POLE: variants seen among roughly 807,000 people sequenced by gnomAD.
POLE encodes DNA polymerase epsilon catalytic subunit A.
In POLE, 188 loss-of-function variants were observed where a neutral mutation model predicts 279.2. The ratio of observed to expected loss-of-function variants is 0.67; its 90% confidence interval spans 0.60 to 0.76. POLE has a LOEUF of 0.76. Ranked by LOEUF, POLE falls within the 30% of genes least tolerant of loss-of-function variation. The pLI is 0.00. For synonymous variants in POLE, 1,214 were observed against 1,172.5 expected (o/e 1.04, Z -0.72); for missense variants, 2,703 against 3,016.7 (o/e 0.90, Z 2.44).
rs115257501 is a variant in POLE at position 132,679,529 on chromosome 12, G to A, written c.546C>T (p.His182=). Residue 182 remains histidine (H), a synonymous_variant, in exon 6 of 49, where the codon CAC becomes CAT. Transcript: ENST00000320574. ...GCAGAGCTGTGTACGCGTCGCTGGC[G>A]TGATCCTGCTCCCTGTTCTTCTTCA... ...PAVKKNREQD[H]ASDAYTALLS... 184 of 1,613,814 alleles carry A rather than the reference G, an allele frequency of 1.1e-4. 2 individuals carry two copies. In the East Asian group the frequency reaches 2.6e-3, roughly 23 times the overall value.
intron 29 of POLE, among the ~76,000 whole-genome samples, chr12:132,653,906 A>G (rs548095021): frequency 6.6e-6 from 1 of 152,356 alleles, no homozygotes; most frequent in African/African-American, 2.4e-5. Flanking sequence ...TTGTTTCTGC[A>G]TCTATTGGAG....
Position 132,639,061 on chromosome 12 carries a change from TGG to T in POLE, c.5552+62_5552+63del. ...CACTGGCTGGCCATGTCTCTGGTTC[TGG>T]GGAGTAAGGGACCAGCCCAGCTGAG... On this transcript the variant is annotated intron_variant, in intron 40 of 48. Transcript: ENST00000320574. This position sits in a 1 kb window ranked among gnomAD's most constrained non-coding sequence, Gnocchi z 4.7. 7.0e-7 allele frequency: 1 copy of T among 1,426,148 alleles called. No homozygotes were observed. Among genetic ancestry groups the T allele is most frequent in the Non-Finnish European group, 9.9e-7 (1 of 1,014,494 alleles). The allele number at this position is 1,426,148 out of a possible 1,614,324, so 88.3% of individuals were successfully genotyped here. A position where few individuals can be genotyped will look rare whatever the true frequency, so the allele number is the denominator to read the frequency against.
chr12:132,637,745 A>C (rs1207113309), intron 41 of POLE, among the ~76,000 whole-genome samples: 1 of 152,248 alleles, frequency 6.6e-6, no homozygotes, highest in Non-Finnish European at 1.5e-5. Context: ...AAAAGCAAAC[A>C]AACAAAAATC....
chr12:132,638,127 C>T lies in POLE; in HGVS notation c.5565G>A (p.Glu1855=), dbSNP rs1555221780. The part of the protein sequence containing the change: ...MKKLFLQLIA[E]FKRLGSSVIY... The stretch of plus-strand genomic sequence containing the variant: ...TGACTGATGACCCCAGGCGCTTGAA[C>T]TCAGCGATGAGCCTGTGGAGCAAGT... The change falls in exon 41 of 49, where the codon GAG becomes GAA. Residue 1855 remains glutamate (E), a synonymous_variant. Coordinates refer to ENST00000320574, the MANE Select transcript of POLE (RefSeq NM_006231.4). The T allele has an allele frequency of 1.2e-6, 2 of 1,613,834 alleles. No homozygotes were observed. The highest frequency in any genetic ancestry group is 1.1e-5 in the South Asian group (1 of 91,054).
chr12:132,674,853 C>CCCTTCCCTT (rs1361293205), intron 12 of POLE, among the ~76,000 whole-genome samples: 1 of 145,580 alleles, frequency 6.9e-6, no homozygotes, highest in Non-Finnish European at 1.5e-5. Context: ...TTCCCTCCCT[C>CCCTTCCCTT]CCTTCCCTTC....
chr12:132,660,834 G>T, intron 25 of POLE, 135 bp downstream of exon 25: 1 of 606,618 alleles, frequency 1.6e-6, no homozygotes, highest in Non-Finnish European at 2.8e-6. Flanking sequence ...TGCTCAGGAG[G>T]TCTTGGGATT....
rs758310455 is a variant in POLE at position 132,664,363 on chromosome 12, C to A, written c.2561+7G>T. 1.6e-5 allele frequency: 25 copies of A among 1,612,622 alleles called. No homozygotes were observed. On this transcript the variant is annotated splice_region_variant and intron_variant, in intron 22 of 48. Coordinates refer to ENST00000320574, the MANE Select transcript of POLE (RefSeq NM_006231.4). The surrounding 1 kb of genome is among the most constrained non-coding windows in gnomAD (Gnocchi z 5.3). ...TCCCAGCCCCACGGCTCCCCTTCTGCACTCACCCAATCTGCTCGATCAGCT... is the reference window on the plus strand; with the variant it reads ...TCCCAGCCCCACGGCTCCCCTTCTGAACTCACCCAATCTGCTCGATCAGCT...
chr12:132,637,738 A>C (rs1445402291), intron 41 of POLE, among the ~76,000 whole-genome samples: 3 of 152,200 alleles, frequency 2.0e-5, no homozygotes, highest in African/African-American at 7.2e-5. Flanking sequence ...GGGGAAAAAA[A>C]GCAAACAAAC....
In POLE at chr12:132,632,390, C is replaced by T. The variant is rs1057524260; in HGVS notation, c.6255G>A (p.Glu2085=). The change falls in exon 45 of 49, where the codon GAG becomes GAA. Residue 2085 remains glutamate (E), a synonymous_variant. Transcript: ENST00000320574. ...TGSRNSTELS[E]MFPVLPGSHL... ...GGGAACCGGGGAGGACAGGAAACAT[C>T]TCTGAGAGCTCAGTGGAGTTCCGAG... is the stretch of plus-strand genomic sequence containing the variant. The T allele has an allele frequency of 6.2e-7, 1 of 1,614,098 alleles. No homozygotes were observed. Among genetic ancestry groups the T allele is most frequent in the South Asian group, 1.1e-5 (1 of 91,084 alleles).
chr12:132,647,124 C>G (rs954738795), intron 32 of POLE, among the ~76,000 whole-genome samples: 13 of 152,090 alleles, frequency 8.5e-5, no homozygotes, highest in Non-Finnish European at 1.8e-4. Context: ...TGAGGGCCTA[C>G]CGTGTACCTT....
chr12:132,677,761 C>G (rs2136022021), intron 6 of POLE, 42 bp from the exon 7 acceptor site: 3 of 1,602,298 alleles, frequency 1.9e-6, no homozygotes, highest in Non-Finnish European at 1.7e-6. Flanking sequence ...CTGCCAGGGT[C>G]TGGAGGAGGT....
chr12:132,671,846 G>A (rs530653517), intron 16 of POLE, among the ~76,000 whole-genome samples: 2 of 152,202 alleles, frequency 1.3e-5, no homozygotes, highest in South Asian at 2.1e-4. Flanking sequence ...TCATTTGTAG[G>A]AATTTACTGT....
At chr12:132,683,334 G>T (rs4128449) in intron 1 of POLE, among the ~76,000 whole-genome samples, 7 of 151,990 alleles carry the variant, frequency 4.6e-5, no homozygotes, top group Non-Finnish European at 7.4e-5. Context: ...GAGAGGGTAG[G>T]GGGGAGAGGA....
At chr12:132,657,299 A>G in intron 28 of POLE, 41 bp from the exon 29 acceptor site, 1 of 1,614,038 alleles carries the variant, frequency 6.2e-7, no homozygotes, top group Non-Finnish European at 8.5e-7. Context: ...ACCCTTGTCT[A>G]ACTGCACAGT....
At chr12:132,632,630 T>C (rs2138462867) in intron 44 of POLE, 34 bp downstream of exon 44, 18 of 1,613,734 alleles carry the variant, frequency 1.1e-5, no homozygotes, top group Non-Finnish European at 1.5e-5. Context: ...CACTGGCACA[T>C]GGCAGTGGCC....
intron 7 of POLE, 22 bp downstream of exon 7, chr12:132,677,556 G>T: frequency 6.2e-7 from 1 of 1,613,830 alleles, no homozygotes; most frequent in South Asian, 1.1e-5. Flanking sequence ...TGTGAGCAGC[G>T]ACCCAACCCT....
chr12:132,642,076 G>C, intron 38 of POLE, 101 bp downstream of exon 38: 1 of 1,168,072 alleles, frequency 8.6e-7, no homozygotes, highest in South Asian at 1.5e-5. Flanking sequence ...CTGCGCGGTC[G>C]AACTCTGAGC....
At chr12:132,636,537 C>T (rs2042038772) in intron 41 of POLE, among the ~76,000 whole-genome samples, 1 of 151,742 alleles carries the variant, frequency 6.6e-6, no homozygotes, top group African/African-American at 2.4e-5. Context: ...AGGAGGATCG[C>T]CTGAGTTCAG....
intron 1 of POLE, among the ~76,000 whole-genome samples, chr12:132,681,555 G>C (rs766748200): frequency 1.3e-5 from 2 of 152,106 alleles, no homozygotes; most frequent in Non-Finnish European, 2.9e-5. Context: ...GTGTTAGCCA[G>C]GATGGTCTCG....
Sources: gnomAD v4.1 joint callset for allele counts (sites outside exome capture counted in the v4.1 genomes callset) on GRCh38, gnomAD v4.1.1 for gene constraint, Gnocchi (gnomAD v3.1) non-coding constraint, MANE v1.5 for transcripts, NCBI Gene and HGNC (gene_info 2026-07-23, HGNC 2026-07-21) for gene names.